The following WWOX variants were observed in gnomAD, a reference collection of about 807,000 sequenced individuals.
WWOX encodes WW domain-containing oxidoreductase.
In WWOX, 69 loss-of-function variants were observed where a neutral mutation model predicts 46.2. The observed-to-expected ratio is 1.49, with a 90% confidence interval of 1.23 to 1.82. The LOEUF (loss-of-function observed/expected upper bound fraction) is 1.82. Among genes scored for constraint, WWOX ranks in the 40% most tolerant of loss-of-function variants. The probability of loss-of-function intolerance (pLI) is 0.00; values close to 1 mark genes in which losing one functional copy is unlikely to be tolerated. For synonymous variants in WWOX, 359 were observed against 202.6 expected, an observed-to-expected ratio of 1.77 and a Z score of -6.56; for missense variants, 919 against 542.6, an observed-to-expected ratio of 1.69 and a Z score of -6.89.
rs1567584456 is a variant in WWOX at position 78,123,442 on chromosome 16, T to TTTGTTTTG, written c.409+8290_409+8291insGTTTTGTT. Reference sequence around the variant, plus strand: ...TTTTTTTCTTTGTTTTTTGTTTTGTTTTTTTTTTTTTTGTTTTTTTTTTTT... The same window carrying TTTGTTTTG: ...TTTTTTTCTTTGTTTTTTGTTTTGTTTTGTTTTGTTTTTTTTTTTTGTTTTTTTTTTTT... On this transcript the variant is annotated intron_variant, in intron 4 of 8. Transcript: ENST00000566780. 14 of 48,878 alleles carry TTTGTTTTG rather than the reference T, an allele frequency of 2.9e-4. 1 individual carries two copies. Among genetic ancestry groups the TTTGTTTTG allele is most frequent in the Admixed American group, 6.8e-4 (2 of 2,940 alleles). The allele number at this position is 48,878 out of a possible 1,614,324, so 3.0% of individuals were successfully genotyped here. A position where few individuals can be genotyped will look rare whatever the true frequency, so the allele number is the denominator to read the frequency against.
intron 8 of WWOX, among the ~76,000 whole-genome samples, chr16:78,471,662 T>C (rs2084225136): frequency 6.6e-6 from 1 of 152,208 alleles, no homozygotes. Flanking sequence ...AATGGCCTCA[T>C]GCTATTTGAA....
chr16:78,521,622 G>T (rs1269100549), intron 8 of WWOX, among the ~76,000 whole-genome samples: 1 of 152,312 alleles, frequency 6.6e-6, no homozygotes, highest in East Asian at 1.9e-4. Flanking sequence ...TTCTGAGTAA[G>T]TATTAACCAA....
intron 7 of WWOX, among the ~76,000 whole-genome samples, chr16:78,425,406 C>G (rs1030344550): frequency 2.6e-5 from 4 of 152,140 alleles, no homozygotes; most frequent in African/African-American, 9.7e-5. Context: ...TGCAGTTATT[C>G]TAGCAGGAGA....
chr16:78,616,687 A>G (rs1396281369), intron 8 of WWOX, among the ~76,000 whole-genome samples: 1 of 151,282 alleles, frequency 6.6e-6, no homozygotes, highest in Admixed American at 6.6e-5. Flanking sequence ...AATTGCTTGA[A>G]CCTGGGAGGC....
At chr16:78,142,241 C>T (rs1223687428) in intron 4 of WWOX, among the ~76,000 whole-genome samples, 1 of 152,128 alleles carries the variant, frequency 6.6e-6, no homozygotes, top group African/African-American at 2.4e-5. Context: ...ACACTTTCAA[C>T]AGCTTTTTAA....
At chr16:78,566,210 G>T (rs1200607172) in intron 8 of WWOX, among the ~76,000 whole-genome samples, 1 of 152,120 alleles carries the variant, frequency 6.6e-6, no homozygotes, top group Non-Finnish European at 1.5e-5. Flanking sequence ...GATCTCATTT[G>T]AAATTAGTCA....
chr16:78,969,019 G>A (rs899522520), intron 8 of WWOX, among the ~76,000 whole-genome samples: 20 of 152,104 alleles, frequency 1.3e-4, no homozygotes, highest in African/African-American at 4.1e-4. Context: ...CCTGGAACCC[G>A]GGGAGTGGCT....
Position 78,432,722 on chromosome 16 carries a change from T to A in WWOX, c.1026T>A (p.Phe342Leu), listed in dbSNP as rs1322358404. ...GCTGGTGGGTGTACACACTGCTGTT[T>A]ACCTTGGCGAGGCCTTTCACCAAGT... ...HRSWWVYTLL[F>L]TLARPFTKSM... The change falls in exon 8 of 9, where the codon TTT becomes TTA. Residue 342 changes from phenylalanine (F) to leucine (L), a missense_variant. Coordinates refer to ENST00000566780, the MANE Select transcript of WWOX (RefSeq NM_016373.4). The A allele has an allele frequency of 6.2e-7, 1 of 1,614,196 alleles. No homozygotes were observed.
At chr16:79,143,992 AC>A (rs1475976177) in intron 8 of WWOX, among the ~76,000 whole-genome samples, 1 of 151,934 alleles carries the variant, frequency 6.6e-6, no homozygotes, top group Non-Finnish European at 1.5e-5. Context: ...GCAATCTTGA[AC>A]TCCTGGGCTC....
At chr16:78,477,270 T>A (rs1688493889) in intron 8 of WWOX, among the ~76,000 whole-genome samples, 1 of 152,190 alleles carries the variant, frequency 6.6e-6, no homozygotes, top group South Asian at 2.1e-4. Context: ...ACCTATTGAT[T>A]TTTAATATGA....
chr16:79,114,379 C>CAG (rs2049472254), intron 8 of WWOX, among the ~76,000 whole-genome samples: 1 of 151,144 alleles, frequency 6.6e-6, no homozygotes, highest in East Asian at 2.0e-4. Context: ...CGTGTGTGCA[C>CAG]ACATATCTAC....
intron 8 of WWOX, among the ~76,000 whole-genome samples, chr16:79,053,622 T>C (rs1438392321): frequency 3.4e-4 from 52 of 152,216 alleles, no homozygotes; most frequent in Admixed American, 3.4e-3. Context: ...TTCCGATCAC[T>C]TTAATTTCTT....
At chr16:78,921,242 C>T (rs753249891) in intron 8 of WWOX, among the ~76,000 whole-genome samples, 5 of 152,104 alleles carry the variant, frequency 3.3e-5, no homozygotes, top group Non-Finnish European at 5.9e-5. Flanking sequence ...AGCCTCGAAA[C>T]CGCACTGTGC....
At chr16:78,923,794 G>GTTTTTTTTTTTTT (rs56852814) in intron 8 of WWOX, among the ~76,000 whole-genome samples, 2 of 102,166 alleles carry the variant, frequency 2.0e-5, no homozygotes, top group Non-Finnish European at 3.5e-5. Context: ...TTTTTAGTTA[G>GTTTTTTTTTTTTT]TTTTTTTTTT....
At chr16:78,568,777 A>G (rs905423043) in intron 8 of WWOX, among the ~76,000 whole-genome samples, 1 of 152,178 alleles carries the variant, frequency 6.6e-6, no homozygotes, top group Non-Finnish European at 1.5e-5. Flanking sequence ...GTCCAGCCCC[A>G]ACTTCTTAAA....
At chr16:78,748,927 C>G (rs540425188) in intron 8 of WWOX, among the ~76,000 whole-genome samples, 3 of 152,328 alleles carry the variant, frequency 2.0e-5, no homozygotes, top group South Asian at 2.1e-4. Context: ...TTTCTCCTTG[C>G]AATCAAATAA....
At chr16:78,238,715 G>T (rs751894142) in intron 5 of WWOX, among the ~76,000 whole-genome samples, 1 of 151,930 alleles carries the variant, frequency 6.6e-6, no homozygotes, top group Non-Finnish European at 1.5e-5. Context: ...TACCTCCCAG[G>T]TTCAAGCGAT....
At chr16:78,333,502 A>G (rs763597983) in intron 5 of WWOX, among the ~76,000 whole-genome samples, 6 of 152,180 alleles carry the variant, frequency 3.9e-5, no homozygotes, top group Non-Finnish European at 7.3e-5. Flanking sequence ...ATTTTGACAG[A>G]ATTTAAGATT....
At position 78,374,358 on chromosome 16, in the gene WWOX, C is replaced by G. The variant is rs536818672; in HGVS notation, c.517-12502C>G. 6.6e-5 allele frequency among the ~76,000 whole-genome samples: 10 copies of G among 152,138 alleles called. No individual in the cohort carries two copies. The South Asian group carries it at 1.7e-3, about 25-fold the overall frequency. ...TAATGGATCAGTGAAATCCTTCCCC[C>G]CATAAAACAAACTTCACTTGTTAGT... On this transcript the variant is annotated intron_variant, in intron 5 of 8. Coordinates refer to ENST00000566780, the MANE Select transcript of WWOX (RefSeq NM_016373.4).
Sources: allele counts gnomAD v4.1 joint callset (sites outside exome capture counted in the v4.1 genomes callset), GRCh38; gene constraint gnomAD v4.1.1; transcripts MANE v1.5; gene names NCBI Gene and HGNC (gene_info 2026-07-23, HGNC 2026-07-21).